The following RAPGEF3 variants were observed in gnomAD, a reference collection of about 807,000 sequenced individuals.
RAPGEF3 encodes the protein 9330170P05Rik.
A neutral mutation model predicts 129.8 loss-of-function variants in RAPGEF3; 103 were observed. That is an observed-to-expected ratio of 0.79 (90% CI 0.68 to 0.93). The LOEUF (loss-of-function observed/expected upper bound fraction) is 0.93, where lower values mean the gene tolerates loss of function less well. Ranked by LOEUF, RAPGEF3 falls within the 40% of genes least tolerant of loss-of-function variation. The pLI is 0.00. For missense variants in RAPGEF3, 1,117 were observed against 1,207.4 expected, an observed-to-expected ratio of 0.93 and a Z score of 1.11; for synonymous variants, 436 against 482.6, an observed-to-expected ratio of 0.90 and a Z score of 1.26.
At chr12:47,750,453 A>G (rs1440519002) in intron 6 of RAPGEF3, 28 bp from the exon 7 acceptor site, 13 of 1,591,714 alleles carry the variant, frequency 8.2e-6, no homozygotes, top group Non-Finnish European at 6.9e-6. Context: ...ATGGGAGCAC[A>G]CTGTGAACTG....
rs192442261 is a variant in RAPGEF3 at position 47,739,861 on chromosome 12, T to A, written c.2373+280A>T. The A allele has an allele frequency of 8.5e-4, 457 of 537,102 alleles. 3 individuals are homozygous for A. Among genetic ancestry groups the A allele is most frequent in the East Asian group, 4.5e-3 (139 of 30,742 alleles). The allele number at this position is 537,102 out of a possible 1,614,324, so 33.3% of individuals were successfully genotyped here. A position where few individuals can be genotyped will look rare whatever the true frequency, so the allele number is the denominator to read the frequency against. On this transcript the variant is annotated intron_variant, in intron 23 of 27. Coordinates refer to ENST00000449771, the MANE Select transcript of RAPGEF3 (RefSeq NM_001098531.4). ...CAGACCCCAGGACTGGACACCCACA[T>A]GCTCCAGCCCAGTCTTCACACAGGA...
intron 2 of RAPGEF3, among the ~76,000 whole-genome samples, chr12:47,757,566 A>G (rs552216908): frequency 6.6e-6 from 1 of 152,260 alleles, no homozygotes; most frequent in South Asian, 2.1e-4. Flanking sequence ...AGAACACACA[A>G]GTACCTAACT....
At chr12:47,739,395 G>A (rs973664267) in intron 23 of RAPGEF3, 165 bp from the exon 24 acceptor site, 97 of 715,314 alleles carry the variant, frequency 1.4e-4, no homozygotes, top group Admixed American at 1.1e-3. Context: ...AGGCGAACAC[G>A]GGGCTTCCAA....
In RAPGEF3 at chr12:47,734,443, T is replaced by A. The variant is rs546671952; in HGVS notation, c.*3124A>T. On this transcript the variant is annotated 3_prime_UTR_variant, in exon 28 of 28. Coordinates refer to ENST00000449771, the MANE Select transcript of RAPGEF3 (RefSeq NM_001098531.4). Reference sequence around the variant, plus strand: ...AATGTTGGGATTCAGAGAGCTGTCATGGGGAGTGCCGGGGGCATGGGGAAA... The same window carrying A: ...AATGTTGGGATTCAGAGAGCTGTCAAGGGGAGTGCCGGGGGCATGGGGAAA... 6.6e-6 allele frequency: 1 copy of A among 152,196 alleles called. No individual in the cohort carries two copies. Among genetic ancestry groups the A allele is most frequent in the Non-Finnish European group, 1.5e-5 (1 of 68,048 alleles). The allele number at this position is 152,196 out of a possible 1,614,324, so 9.4% of individuals were successfully genotyped here.
At chr12:47,750,188 AG>A (rs1941662702) in intron 7 of RAPGEF3, among the ~76,000 whole-genome samples, 152 bp downstream of exon 7, 1 of 152,274 alleles carries the variant, frequency 6.6e-6, no homozygotes, top group Non-Finnish European at 1.5e-5. Context: ...ATTTTCAGAC[AG>A]GGCAGCGCCG....
At position 47,740,209 on chromosome 12, in the gene RAPGEF3, A is replaced by T; in HGVS notation, c.2323-18T>A. 6.2e-7 allele frequency: 1 copy of T among 1,613,748 alleles called. No homozygotes were observed. Among genetic ancestry groups the T allele is most frequent in the East Asian group, 2.2e-5 (1 of 44,876 alleles). On this transcript the variant is annotated intron_variant, in intron 22 of 27. Coordinates refer to ENST00000449771, the MANE Select transcript of RAPGEF3 (RefSeq NM_001098531.4). ...GGCAGCCGCTGTGAAAAGGAGGCAG[A>T]TGAGCGGCTGCTCTGGGGGAGGCCC...
rs1240582194 is a variant in RAPGEF3, at chr12:47,735,830, GA to G, written c.*1736del. 1 of 152,508 alleles carries G rather than the reference GA, an allele frequency of 6.6e-6. No homozygotes were observed. The highest frequency in any genetic ancestry group is 2.4e-5 in the African/African-American group (1 of 41,456). 9.4% of individuals were successfully genotyped at this position (152,508 alleles called of 1,614,324 possible). A position where few individuals can be genotyped will look rare whatever the true frequency, so the allele number is the denominator to read the frequency against. On this transcript the variant is annotated 3_prime_UTR_variant, in exon 28 of 28. Coordinates refer to ENST00000449771, the MANE Select transcript of RAPGEF3 (RefSeq NM_001098531.4). Reference sequence around the variant, plus strand: ...GACACCAGCAGACAATGGGTTGGATGAAAAGAAAGCCCCCGGACTCCTGACT... The same window carrying G: ...GACACCAGCAGACAATGGGTTGGATGAAAGAAAGCCCCCGGACTCCTGACT...
In RAPGEF3 at chr12:47,740,632, A is replaced by C; in HGVS notation, c.2231+10T>G. ...TCTGGCCACGCCCTACCCACTGGAC[A>C]GGGACTCACTGGGCCGCCAGCTTAA... On this transcript the variant is annotated intron_variant, in intron 21 of 27. Coordinates refer to ENST00000449771, the MANE Select transcript of RAPGEF3 (RefSeq NM_001098531.4). 6 of 1,613,174 alleles carry C rather than the reference A, an allele frequency of 3.7e-6. No individual in the cohort carries two copies. The highest frequency in any genetic ancestry group is 5.1e-6 in the Non-Finnish European group (6 of 1,179,710).
rs755428820 is a variant in RAPGEF3, at chr12:47,740,190, C to T, written c.2324G>A (p.Arg775Gln). 40 of 1,613,658 alleles carry T rather than the reference C, an allele frequency of 2.5e-5. No homozygotes were observed. Among genetic ancestry groups the T allele is most frequent in the South Asian group, 2.2e-4 (20 of 91,056 alleles). ...CAGCTTCCGGACTTTGTGAGGCAGC[C>T]GCTGTGAAAAGGAGGCAGATGAGCG... ...AISRLAHTWE[R>Q]LPHKVRKLYS... The change falls in exon 23 of 28, where the codon CGG (arginine) becomes CAG (glutamine). Residue 775 changes from arginine (R) to glutamine (Q), a missense_variant and splice_region_variant. By Grantham distance (43) the Arg-to-Gln change is conservative. Transcript: ENST00000449771.
intron 2 of RAPGEF3, among the ~76,000 whole-genome samples, chr12:47,755,529 C>T (rs969731089): frequency 2.0e-5 from 3 of 152,136 alleles, no homozygotes; most frequent in African/African-American, 7.2e-5. Context: ...TGATCTTGCC[C>T]CTGCCCCCGG....
In RAPGEF3 at chr12:47,738,022, A is replaced by G. The variant is rs1940889932; in HGVS notation, c.2653T>C (p.Cys885Arg). Residue 885 changes from cysteine to arginine, a missense_variant and splice_region_variant, in exon 27 of 28, where the codon TGC (cysteine) becomes CGC (arginine). Coordinates refer to ENST00000449771, the MANE Select transcript of RAPGEF3 (RefSeq NM_001098531.4). Reference protein sequence around the residue: ...EDSQVARISTCSEQSLSTRSP... With the variant: ...EDSQVARISTRSEQSLSTRSP... ...CCACCCACCATCGCCCACCACTTACATGTGGAAATCCTCGCCACCTGGCTG... is the reference window on the plus strand; with the variant it reads ...CCACCCACCATCGCCCACCACTTACGTGTGGAAATCCTCGCCACCTGGCTG... The G allele has an allele frequency of 1.9e-6, 3 of 1,606,986 alleles. No homozygotes were observed. The highest frequency in any genetic ancestry group is 2.6e-6 in the Non-Finnish European group (3 of 1,175,800).
chr12:47,749,984 G>A lies in RAPGEF3; in HGVS notation c.763C>T (p.Arg255Ter), dbSNP rs763850348. The stretch of plus-strand genomic sequence containing the variant: ...AAGAGCAGAACAGCCGCTAATTCTC[G>A]CTTCACCTGTGTGGTGGAGATAGGA... ...AVAHLSNSVKRELAAVLLFEP... is the reference protein window; with the variant it reads ...AVAHLSNSVK Residue 255 changes from arginine to a stop codon, truncating the protein, a stop_gained, in exon 8 of 28, where the codon CGA (arginine) becomes TGA (stop). Transcript: ENST00000449771. LOFTEE classifies it high-confidence loss of function. The surrounding 1 kb of genome is among the most constrained non-coding windows in gnomAD (Gnocchi z 4.5). 1.1e-5 allele frequency: 17 copies of A among 1,614,234 alleles called. No homozygotes were observed. In the East Asian group the frequency reaches 1.1e-4, roughly 11 times the overall value.
chr12:47,749,534 C>T lies in RAPGEF3; in HGVS notation c.897G>A (p.Gly299=), dbSNP rs779975925. The T allele has an allele frequency of 3.7e-6, 6 of 1,608,798 alleles. No individual in the cohort carries two copies. The East Asian group carries it at 1.3e-4, about 36-fold the overall frequency. ...GSVNVVTHGK[G]LVTTLHEGDD... is the part of the protein sequence containing the mutation. ...CTCCCTCATGCAGGGTGGTCACCAG[C>T]CCCTGCAGCCAGGCCTCAGTCTCAG... Residue 299 remains glycine (G), a splice_region_variant and synonymous_variant, in exon 10 of 28, where the codon GGG becomes GGA. Coordinates refer to ENST00000449771, the MANE Select transcript of RAPGEF3 (RefSeq NM_001098531.4). This position sits in a 1 kb window ranked among gnomAD's most constrained non-coding sequence, Gnocchi z 4.5.
At chr12:47,747,446 G>A in intron 15 of RAPGEF3, 98 bp downstream of exon 15, 1 of 1,247,152 alleles carries the variant, frequency 8.0e-7, no homozygotes, top group Non-Finnish European at 1.2e-6. Context: ...GGTGCAGCCT[G>A]GATCTGAAGC....
In RAPGEF3 at chr12:47,749,560, CCCGCCCCTG is replaced by C. The variant is rs768458785; in HGVS notation, c.895-33_895-25del. ...CCCTGCAGCCAGGCCTCAGTCTCAG[CCCGCCCCTG>C]CCGCCCCTGCCGCCCCCAGCTCTTG... is the stretch of plus-strand genomic sequence containing the variant. On this transcript the variant is annotated intron_variant, in intron 9 of 27. Transcript: ENST00000449771. This position sits in a 1 kb window ranked among gnomAD's most constrained non-coding sequence, Gnocchi z 4.5. The C allele has an allele frequency of 8.2e-6, 13 of 1,584,654 alleles. No individual in the cohort carries two copies. Among genetic ancestry groups the C allele is most frequent in the South Asian group, 1.1e-5 (1 of 89,268 alleles).
At chr12:47,756,447 G>C (rs1025830666) in intron 2 of RAPGEF3, 1 of 152,298 alleles carries the variant, frequency 6.6e-6, no homozygotes, top group Non-Finnish European at 1.5e-5. Context: ...AGAGCCAGAG[G>C]GGTAGCGGAG....
Position 47,736,348 on chromosome 12 carries a change from C to A in RAPGEF3, c.*1219G>T. On this transcript the variant is annotated 3_prime_UTR_variant, in exon 28 of 28. Coordinates refer to ENST00000449771, the MANE Select transcript of RAPGEF3 (RefSeq NM_001098531.4). ...AGGCCCTGCAGCCTCAATACCTACT[C>A]AGGAGTCATGCCAGGGGCCATGAGT... 6.6e-6 allele frequency: 1 copy of A among 152,404 alleles called. No homozygotes were observed. The allele number at this position is 152,404 out of a possible 1,614,324, so 9.4% of individuals were successfully genotyped here. A position where few individuals can be genotyped will look rare whatever the true frequency, so the allele number is the denominator to read the frequency against.
Position 47,751,530 on chromosome 12 carries a change from G to T in RAPGEF3, c.381-10C>A. On this transcript the variant is annotated splice_polypyrimidine_tract_variant and intron_variant, in intron 4 of 27. Coordinates refer to ENST00000449771, the MANE Select transcript of RAPGEF3 (RefSeq NM_001098531.4). The stretch of plus-strand genomic sequence containing the variant: ...GCCAGAGCAGCACTGCCTATGGAAG[G>T]TAGAAGGGGACAGGCCAGTGGAAGG... The T allele has an allele frequency of 6.2e-7, 1 of 1,614,236 alleles. No homozygotes were observed. The highest frequency in any genetic ancestry group is 8.5e-7 in the Non-Finnish European group (1 of 1,180,026).
rs1338115143 is a variant in RAPGEF3 at position 47,737,153 on chromosome 12, C to T, written c.*414G>A. 2.4e-5 allele frequency: 5 copies of T among 211,636 alleles called. No homozygotes were observed. Among genetic ancestry groups the T allele is most frequent in the East Asian group, 1.5e-4 (1 of 6,628 alleles). 13.1% of individuals were successfully genotyped at this position (211,636 alleles called of 1,614,324 possible). On this transcript the variant is annotated 3_prime_UTR_variant, in exon 28 of 28. Transcript: ENST00000449771. ...GCCAAGGCCCTGCCCTTGCCACACA[C>T]GGTACACACATGCAGCCTCTCTCTC...
Sources: allele counts gnomAD v4.1 joint callset (sites outside exome capture counted in the v4.1 genomes callset), GRCh38; gene constraint gnomAD v4.1.1; non-coding constraint Gnocchi (gnomAD v3.1); transcripts MANE v1.5; gene names NCBI Gene and HGNC (gene_info 2026-07-23, HGNC 2026-07-21).